The following SNX6 variants were observed in gnomAD, a reference collection of about 807,000 sequenced individuals.
The protein encoded by SNX6 is sorting nexin 6.
A neutral mutation model predicts 63.0 loss-of-function variants in SNX6; 34 were observed. That is an observed-to-expected ratio of 0.54 (90% confidence interval 0.41 to 0.72). The LOEUF is 0.72. SNX6 is among the 30% of genes least tolerant of loss of function. SNX6 has a pLI of 0.00. For synonymous variants in SNX6, 170 were observed against 164.2 expected, an observed-to-expected ratio of 1.04 and a Z score of -0.27; for missense variants, 398 against 471.4, an observed-to-expected ratio of 0.84 and a Z score of 1.44.
At chr14:34,573,365 A>C (rs1385925079) in intron 11 of SNX6, among the ~76,000 whole-genome samples, 3 of 152,038 alleles carry the variant, frequency 2.0e-5, no homozygotes, top group Non-Finnish European at 2.9e-5. Context: ...ACTTAAGGTA[A>C]GGAGTTCGAG....
rs540898616 is a variant in SNX6 at position 34,587,360 on chromosome 14, A to G, written c.719-1055T>C. On this transcript the variant is annotated intron_variant, in intron 8 of 13. Coordinates refer to ENST00000362031, the MANE Select transcript of SNX6 (RefSeq NM_152233.4). Reference sequence around the variant, plus strand: ...ATCCTGGCTAACACGGTGAAACCCCATCTCTACTAAAAATACAAAAGAATT... The same window carrying G: ...ATCCTGGCTAACACGGTGAAACCCCGTCTCTACTAAAAATACAAAAGAATT... Among the ~76,000 whole-genome samples, 767 of 151,670 alleles carry G rather than the reference A, an allele frequency of 5.1e-3. 5 individuals are homozygous for G. The highest frequency in any genetic ancestry group is 8.3e-3 in the Non-Finnish European group (564 of 67,910).
chr14:34,597,960 A>C lies in SNX6; in HGVS notation c.517-315T>G, dbSNP rs536408188. ...GCCCTCTCACCATATTTTGTCAAAC[A>C]CTGCTATATAAAATTTTAACAGACA... On this transcript the variant is annotated intron_variant, in intron 6 of 13. Coordinates refer to ENST00000362031, the MANE Select transcript of SNX6 (RefSeq NM_152233.4). Among the ~76,000 whole-genome samples the C allele has an allele frequency of 1.2e-4, 19 of 152,314 alleles. No individual in the cohort carries two copies. The Middle Eastern group carries it at 0.01, about 82-fold the overall frequency.
At chr14:34,563,251 G>C (rs1262313411) in intron 13 of SNX6, 76 bp from the exon 14 acceptor site, 3 of 1,396,262 alleles carry the variant, frequency 2.1e-6, no homozygotes, top group Non-Finnish European at 3.0e-6. Flanking sequence ...AATACAGTTA[G>C]AAACGACATA....
intron 5 of SNX6, chr14:34,604,241 A>T: frequency 3.9e-6 from 5 of 1,287,528 alleles, no homozygotes; most frequent in Non-Finnish European, 5.1e-6. Context: ...GCAGTAGAAT[A>T]AACCCAAGGT....
Position 34,621,909 on chromosome 14 carries a change from T to C in SNX6, c.54+7998A>G, listed in dbSNP as rs1408851389. Among the ~76,000 whole-genome samples the C allele has an allele frequency of 2.0e-5, 3 of 151,472 alleles. No individual in the cohort carries two copies. In the Admixed American group the frequency reaches 2.0e-4, roughly 10 times the overall value. Reference sequence around the variant, plus strand: ...AGGAAGCATCAATCTATCCTCAATATTAGAATAATCTACAATGTTTTTTCA... The same window carrying C: ...AGGAAGCATCAATCTATCCTCAATACTAGAATAATCTACAATGTTTTTTCA... On this transcript the variant is annotated intron_variant, in intron 2 of 13. Transcript: ENST00000362031.
intron 11 of SNX6, among the ~76,000 whole-genome samples, chr14:34,574,019 T>C (rs542964646): frequency 2.0e-5 from 3 of 152,004 alleles, no homozygotes; most frequent in South Asian, 4.2e-4. Flanking sequence ...TCATGCTCAA[T>C]GGAGGACTTG....
chr14:34,562,636 A>G lies in SNX6; in HGVS notation c.*486T>C, dbSNP rs931856948. 1.3e-5 allele frequency: 2 copies of G among 152,872 alleles called. No individual in the cohort carries two copies. Among genetic ancestry groups the G allele is most frequent in the Non-Finnish European group, 2.9e-5 (2 of 68,216 alleles). 9.5% of individuals were successfully genotyped at this position (152,872 alleles called of 1,614,324 possible). A position where few individuals can be genotyped will look rare whatever the true frequency, so the allele number is the denominator to read the frequency against. ...TCTAAGAAATATTCAGTAATTAAAAATAAGTCTGATTAAGATGCTTTACCA... is the reference window on the plus strand; with the variant it reads ...TCTAAGAAATATTCAGTAATTAAAAGTAAGTCTGATTAAGATGCTTTACCA... On this transcript the variant is annotated 3_prime_UTR_variant, in exon 14 of 14. Coordinates refer to ENST00000362031, the MANE Select transcript of SNX6 (RefSeq NM_152233.4).
chr14:34,625,062 C>A (rs1425936802), intron 2 of SNX6, among the ~76,000 whole-genome samples: 3 of 151,858 alleles, frequency 2.0e-5, no homozygotes, highest in Admixed American at 1.3e-4. Flanking sequence ...ATTACAGGTG[C>A]CCGCCACCAT....
At position 34,629,854 on chromosome 14, in the gene SNX6, G is replaced by A. The variant is rs370236833; in HGVS notation, c.54+53C>T. The A allele has an allele frequency of 6.5e-4, 1,011 of 1,549,146 alleles. 2 individuals are homozygous for A. In the African/African-American group the frequency reaches 0.012, roughly 19 times the overall value. On this transcript the variant is annotated intron_variant, in intron 2 of 13. Coordinates refer to ENST00000362031, the MANE Select transcript of SNX6 (RefSeq NM_152233.4). ...TCCCCGTACCACACCCGGGGACCCA[G>A]GATGGGGAAGGAGGGTCCAGGGTCC...
At chr14:34,580,102 C>CCA (rs1424904809) in intron 10 of SNX6, among the ~76,000 whole-genome samples, 1 of 152,186 alleles carries the variant, frequency 6.6e-6, no homozygotes, top group African/African-American at 2.4e-5. Flanking sequence ...TCGCTTGAAC[C>CCA]TGGGAGGCGA....
intron 2 of SNX6, among the ~76,000 whole-genome samples, chr14:34,615,611 CT>C (rs1883389218): frequency 6.6e-6 from 1 of 152,052 alleles, no homozygotes; most frequent in Non-Finnish European, 1.5e-5. Flanking sequence ...TTGTCTTCTC[CT>C]TTTCTTTTTT....
chr14:34,609,817 A>C, intron 2 of SNX6, 75 bp from the exon 3 acceptor site: 1 of 946,754 alleles, frequency 1.1e-6, no homozygotes, highest in South Asian at 1.5e-5. Context: ...AGACAATGCA[A>C]AAACAAAACA....
chr14:34,603,498 T>TA, intron 5 of SNX6, 27 bp from the exon 6 acceptor site: 2 of 1,529,660 alleles, frequency 1.3e-6, no homozygotes, highest in East Asian at 2.4e-5. Flanking sequence ...AAATTAAAGG[T>TA]AAAAAACTCC....
intron 10 of SNX6, 108 bp from the exon 11 acceptor site, chr14:34,575,950 G>A (rs1473462701): frequency 1.1e-5 from 5 of 472,796 alleles, no homozygotes; most frequent in Non-Finnish European, 1.8e-5. Context: ...TTGAGACGGA[G>A]TCTTGCTCTG....
chr14:34,587,082 G>A lies in SNX6; in HGVS notation c.719-777C>T, dbSNP rs569354375. Among the ~76,000 whole-genome samples, 78 of 148,130 alleles carry A rather than the reference G, an allele frequency of 5.3e-4. 1 individual carries two copies. The South Asian group carries it at 0.016, about 30-fold the overall frequency. On this transcript the variant is annotated intron_variant, in intron 8 of 13. Coordinates refer to ENST00000362031, the MANE Select transcript of SNX6 (RefSeq NM_152233.4). ...CTTTCTTCATTAATAGACGTGACAT[G>A]ATCATCTATGTAAAAATCCTAAGGA...
At chr14:34,610,280 C>T (rs569242886) in intron 2 of SNX6, among the ~76,000 whole-genome samples, 59 of 144,470 alleles carry the variant, frequency 4.1e-4, no homozygotes, top group Admixed American at 1.1e-3. Flanking sequence ...CTTGCTTGAG[C>T]CTAGGTCAAG....
rs1310169736 is a variant in SNX6, at chr14:34,573,574, T to TA, written c.921+2181dup. ...TGGGCAACAGGGCGAGACTCTGCCT[T>TA]AAAAAAAAAACAAATTGTTTTTGGT... On this transcript the variant is annotated intron_variant, in intron 11 of 13. Transcript: ENST00000362031. Among the ~76,000 whole-genome samples the TA allele has an allele frequency of 4.5e-3, 651 of 145,094 alleles. 4 individuals are homozygous for TA. Among genetic ancestry groups the TA allele is most frequent in the African/African-American group, 0.013 (528 of 39,758 alleles).
rs113296115 is a variant in SNX6 at position 34,625,161 on chromosome 14, C to T, written c.54+4746G>A. Among the ~76,000 whole-genome samples, 194 of 152,204 alleles carry T rather than the reference C, an allele frequency of 1.3e-3. 1 individual carries two copies. Among genetic ancestry groups the T allele is most frequent in the African/African-American group, 4.2e-3 (175 of 41,542 alleles). ...CGAACTCCCGACCTCGTGATCCACCCACCTCTGCCTCCCAAAGTGTTGGGA... is the reference window on the plus strand; with the variant it reads ...CGAACTCCCGACCTCGTGATCCACCTACCTCTGCCTCCCAAAGTGTTGGGA... On this transcript the variant is annotated intron_variant, in intron 2 of 13. Transcript: ENST00000362031.
chr14:34,613,215 G>A (rs1027521327), intron 2 of SNX6, among the ~76,000 whole-genome samples: 3 of 152,194 alleles, frequency 2.0e-5, no homozygotes, highest in East Asian at 1.9e-4. Flanking sequence ...TAGAGCCTCC[G>A]GAGGGAGAGC....
Sources: allele counts gnomAD v4.1 joint callset (sites outside exome capture counted in the v4.1 genomes callset), GRCh38; gene constraint gnomAD v4.1.1; transcripts MANE v1.5; gene names NCBI Gene and HGNC (gene_info 2026-07-23, HGNC 2026-07-21).